Variants in ALS2 observed in about 807,000 individuals in gnomAD.
ALS2 encodes alsin Rho guanine nucleotide exchange factor ALS2, also known as alsin.
ALS2 carries 117 observed loss-of-function variants against 203.4 expected under a neutral mutation model. That is an observed-to-expected ratio of 0.58 (90% CI 0.50 to 0.67). The LOEUF (loss-of-function observed/expected upper bound fraction) is 0.67. ALS2 is among the 30% of genes least tolerant of loss of function. The pLI is 0.00. For synonymous variants in ALS2, 718 were observed against 725.9 expected, an observed-to-expected ratio of 0.99 and a Z score of 0.17; for missense variants, 1,715 against 1,989.4, an observed-to-expected ratio of 0.86 and a Z score of 2.62.
chr2:201,755,264 CTCTT>C (rs1693310198), intron 5 of ALS2, among the ~76,000 whole-genome samples: 1 of 151,490 alleles, frequency 6.6e-6, no homozygotes, highest in East Asian at 1.9e-4. Context: ...AAGACACTGT[CTCTT>C]TTTTTTTTCT....
chr2:201,757,826 A>C (rs1693492916), intron 4 of ALS2, 67 bp from the exon 5 acceptor site: 1 of 1,259,326 alleles, frequency 7.9e-7, no homozygotes, highest in African/African-American at 1.5e-5. Flanking sequence ...AATCAATAAA[A>C]AGAAAGGCTA....
intron 24 of ALS2, 67 bp downstream of exon 24, chr2:201,718,010 G>T: frequency 6.6e-7 from 1 of 1,523,888 alleles, no homozygotes. Context: ...ATATTAACCA[G>T]CTTTGATAAA....
intron 23 of ALS2, among the ~76,000 whole-genome samples, chr2:201,718,668 A>G (rs1302820579): frequency 6.6e-6 from 1 of 152,218 alleles, no homozygotes; most frequent in Non-Finnish European, 1.5e-5. Flanking sequence ...ATATGGGCAC[A>G]TGCATGTCTA....
intron 13 of ALS2, among the ~76,000 whole-genome samples, chr2:201,732,783 G>A (rs986742300): frequency 3.3e-5 from 5 of 152,162 alleles, no homozygotes; most frequent in Non-Finnish European, 5.9e-5. Flanking sequence ...TTATGTAAGG[G>A]TGGACTAGTT....
chr2:201,733,978 C>T (rs1372068457), intron 12 of ALS2, among the ~76,000 whole-genome samples: 1 of 152,106 alleles, frequency 6.6e-6, no homozygotes, highest in Non-Finnish European at 1.5e-5. Flanking sequence ...ACTAGTATTA[C>T]AGTTAACAAG....
intron 19 of ALS2, 117 bp downstream of exon 19, chr2:201,726,367 A>G (rs904563858): frequency 1.0e-6 from 1 of 984,816 alleles, no homozygotes; most frequent in Non-Finnish European, 1.6e-6. Flanking sequence ...GTGCATTTCT[A>G]AAAAATAACA....
chr2:201,780,395 T>C (rs1043873982), intron 1 of ALS2, among the ~76,000 whole-genome samples: 5 of 152,218 alleles, frequency 3.3e-5, no homozygotes, highest in African/African-American at 7.2e-5. Context: ...AAGTAGCCCT[T>C]GGTCCACTCT....
intron 28 of ALS2, among the ~76,000 whole-genome samples, chr2:201,707,619 G>A (rs892362838): frequency 1.3e-5 from 2 of 151,798 alleles, no homozygotes; most frequent in African/African-American, 2.4e-5. Flanking sequence ...TTGTAGAGAT[G>A]GGGTCTCCCT....
Position 201,761,546 on chromosome 2 carries a change from C to G in ALS2, c.448G>C (p.Val150Leu), listed in dbSNP as rs1030080767. Residue 150 changes from valine to leucine, a missense_variant, in exon 4 of 34, where the codon GTC becomes CTC. By Grantham distance (32) the Val-to-Leu change is conservative (BLOSUM62 1). Coordinates refer to ENST00000264276, the MANE Select transcript of ALS2 (RefSeq NM_020919.4). ...CCACACGCCAACTGTAAAATCCTGACTGCTAACAAAGGGCTGGCCTCAGAA... is the reference window on the plus strand; with the variant it reads ...CCACACGCCAACTGTAAAATCCTGAGTGCTAACAAAGGGCTGGCCTCAGAA... ...ADSEASPLLAVRILQLACGEE... is the reference protein window; with the variant it reads ...ADSEASPLLALRILQLACGEE... The G allele has an allele frequency of 2.0e-5, 32 of 1,614,102 alleles. No individual in the cohort carries two copies. The highest frequency in any genetic ancestry group is 2.5e-5 in the Non-Finnish European group (29 of 1,180,038).
Position 201,701,849 on chromosome 2 carries a change from G to A in ALS2, c.*2C>T. The A allele has an allele frequency of 5.6e-6, 9 of 1,613,512 alleles. No homozygotes were observed. The highest frequency in any genetic ancestry group is 7.6e-6 in the Non-Finnish European group (9 of 1,179,670). On this transcript the variant is annotated 3_prime_UTR_variant, in exon 34 of 34. Transcript: ENST00000264276. ...AATCCAGTTTTCAAGCTGTTATGCA[G>A]CCTAGTTAAGCTTCTCACGCTGAAT...
chr2:201,709,846 C>T, intron 27 of ALS2, 35 bp downstream of exon 27: 1 of 1,613,024 alleles, frequency 6.2e-7, no homozygotes, highest in African/African-American at 1.3e-5. Flanking sequence ...AATAGTATTC[C>T]ATAGCCCGCA....
chr2:201,749,601 T>A (rs1692896308), intron 8 of ALS2, 111 bp downstream of exon 8: 3 of 1,060,698 alleles, frequency 2.8e-6, no homozygotes, highest in Admixed American at 4.2e-5. Context: ...CAAAACAAAT[T>A]TAGGTTGTAC....
At position 201,761,303 on chromosome 2, in the gene ALS2, G is replaced by A. The variant is rs1340248169; in HGVS notation, c.691C>T (p.Arg231Ter). 2.5e-6 allele frequency: 4 copies of A among 1,614,118 alleles called. No homozygotes were observed. The highest frequency in any genetic ancestry group is 1.1e-5 in the South Asian group (1 of 91,088). Residue 231 changes from arginine (R) to a stop codon, truncating the protein, a stop_gained, in exon 4 of 34, where the codon CGA becomes TGA. Transcript: ENST00000264276. LOFTEE classifies it high-confidence loss of function. The part of the protein sequence containing the change: ...PSQDLKPVPE[R>*]CNQCSQLLIT... ...AAGAGCTGGCTGCACTGGTTGCATCGTTCTGGGACTGGCTTCAGATCCTGG... is the reference window on the plus strand; with the variant it reads ...AAGAGCTGGCTGCACTGGTTGCATCATTCTGGGACTGGCTTCAGATCCTGG...
intron 11 of ALS2, among the ~76,000 whole-genome samples, chr2:201,739,781 T>C (rs1281648123): frequency 2.0e-5 from 3 of 149,760 alleles, no homozygotes; most frequent in Non-Finnish European, 3.0e-5. Context: ...ACAGTGAAGG[T>C]AAGAAAATAT....
chr2:201,722,769 A>C (rs1052539004), intron 23 of ALS2: 3 of 419,656 alleles, frequency 7.1e-6, no homozygotes, highest in Non-Finnish European at 8.5e-6. Flanking sequence ...AAAAAAGGCA[A>C]ATCTATAGAG....
In ALS2 at chr2:201,701,391, A is replaced by C. The variant is rs997248053; in HGVS notation, c.*460T>G. The C allele has an allele frequency of 6.3e-6, 1 of 158,634 alleles. No homozygotes were observed. Among genetic ancestry groups the C allele is most frequent in the East Asian group, 1.8e-4 (1 of 5,510 alleles). 9.8% of individuals were successfully genotyped at this position (158,634 alleles called of 1,614,324 possible). On this transcript the variant is annotated 3_prime_UTR_variant, in exon 34 of 34. Transcript: ENST00000264276. ...CTCAGGAAGGCAGAGTGTGGCCACTATAGTTTCAAGTACGATCTGGTTCTT... is the reference window on the plus strand; with the variant it reads ...CTCAGGAAGGCAGAGTGTGGCCACTCTAGTTTCAAGTACGATCTGGTTCTT...
intron 23 of ALS2, among the ~76,000 whole-genome samples, chr2:201,720,578 G>A (rs1327160970): frequency 6.6e-6 from 1 of 150,638 alleles, no homozygotes; most frequent in Non-Finnish European, 1.5e-5. Flanking sequence ...GCCAGGCATG[G>A]TGGCATGTGC....
At chr2:201,757,865 C>A in intron 4 of ALS2, 106 bp from the exon 5 acceptor site, 3 of 866,934 alleles carry the variant, frequency 3.5e-6, no homozygotes, top group Non-Finnish European at 5.2e-6. Context: ...ATGTAAGAAT[C>A]TAAAACGACA....
At chr2:201,765,636 C>A in intron 3 of ALS2, 1 of 164,456 alleles carries the variant, frequency 6.1e-6, no homozygotes, top group East Asian at 1.9e-4. Context: ...TTATTTAATA[C>A]CTTAATAAAT....
Sources: gnomAD v4.1 joint callset for allele counts (sites outside exome capture counted in the v4.1 genomes callset) on GRCh38, gnomAD v4.1.1 for gene constraint, MANE v1.5 for transcripts, NCBI Gene and HGNC (gene_info 2026-07-23, HGNC 2026-07-21) for gene names.